The following ISM1 variants were observed in gnomAD, a reference collection of about 807,000 sequenced individuals.
ISM1 encodes the protein isthmin-1.
In ISM1, 25 loss-of-function variants were observed where a neutral mutation model predicts 46.3. The ratio of observed to expected loss-of-function variants is 0.54; its 90% CI spans 0.39 to 0.75. ISM1 has a LOEUF of 0.75. Ranked by LOEUF, ISM1 falls within the 30% of genes least tolerant of loss-of-function variation. ISM1 has a pLI of 0.00. For synonymous variants in ISM1, 255 were observed against 256.7 expected, an observed-to-expected ratio of 0.99 and a Z score of 0.06; for missense variants, 536 against 625.4, an observed-to-expected ratio of 0.86 and a Z score of 1.52.
intron 1 of ISM1, among the ~76,000 whole-genome samples, chr20:13,224,939 G>A (rs920679087): frequency 1.3e-4 from 19 of 148,114 alleles, no homozygotes; most frequent in African/African-American, 3.7e-4. Flanking sequence ...TCCACTTCCC[G>A]GGTTCATGCC....
At chr20:13,262,908 C>T (rs749077008) in intron 1 of ISM1, among the ~76,000 whole-genome samples, 1 of 152,256 alleles carries the variant, frequency 6.6e-6, no homozygotes, top group Non-Finnish European at 1.5e-5. Flanking sequence ...AAGTAAACAT[C>T]GTTATGATAC....
the ISM1 span, among the ~76,000 whole-genome samples, chr20:13,313,907 G>T: frequency 6.6e-6 from 1 of 152,096 alleles, no homozygotes; most frequent in South Asian, 2.1e-4. Context: ...AAATAAACTG[G>T]CAATGTAAGC....
Position 13,246,691 on chromosome 20 carries a change from T to A in ISM1, c.139-23813T>A, listed in dbSNP as rs1313778565. On this transcript the variant is annotated intron_variant, in intron 1 of 5. Coordinates refer to ENST00000262487, the MANE Select transcript of ISM1 (RefSeq NM_080826.2). ...GACAATGGCAAAGCCATGATTAAAT[T>A]CCCAAGTTCTAAGACCTTGTCCAAT... Among the ~76,000 whole-genome samples, 3 of 152,218 alleles carry A rather than the reference T, an allele frequency of 2.0e-5. No individual in the cohort carries two copies. In the East Asian group the frequency reaches 5.8e-4, roughly 29 times the overall value.
intron 1 of ISM1, among the ~76,000 whole-genome samples, chr20:13,254,285 T>C (rs1455198778): frequency 6.6e-6 from 1 of 151,738 alleles, no homozygotes; most frequent in Non-Finnish European, 1.5e-5. Flanking sequence ...TCTGCAAATA[T>C]ATATTTATAT....
intron 3 of ISM1, among the ~76,000 whole-genome samples, chr20:13,280,245 G>A (rs1411769253): frequency 6.8e-6 from 1 of 146,618 alleles, no homozygotes; most frequent in East Asian, 2.0e-4. Context: ...ATTTTTTACT[G>A]TAAAAATTCA....
At chr20:13,274,425 A>G (rs2040151850) in intron 2 of ISM1, among the ~76,000 whole-genome samples, 1 of 152,094 alleles carries the variant, frequency 6.6e-6, no homozygotes, top group African/African-American at 2.4e-5. Context: ...TTCCGCTGCC[A>G]GGGCTCCTGG....
At position 13,279,683 on chromosome 20, in the gene ISM1, A is replaced by T. The variant is rs759922448; in HGVS notation, c.428A>T (p.Gln143Leu). ...CCTGACTCTGAAGCAGATAAAGATC[A>T]GCATCCGGAGAATAAGCCCAGCTGG... The part of the protein sequence containing the change: ...DGPDSEADKD[Q>L]HPENKPSWSV... Residue 143 changes from glutamine (Q) to leucine (L), a missense_variant, in exon 3 of 6, where the codon CAG (glutamine) becomes CTG (leucine). This residue lies in a region of ISM1 where 367 missense variants were observed against 376.1 expected (regional missense o/e 0.98). Transcript: ENST00000262487. 4 of 1,614,038 alleles carry T rather than the reference A, an allele frequency of 2.5e-6. No homozygotes were observed. The East Asian group carries it at 8.9e-5, about 36-fold the overall frequency.
At chr20:13,319,020 G>A in the ISM1 span, among the ~76,000 whole-genome samples, 1 of 152,142 alleles carries the variant, frequency 6.6e-6, no homozygotes, top group Non-Finnish European at 1.5e-5. Flanking sequence ...AATGAACTCT[G>A]GGTGATAATG....
chr20:13,238,627 A>C (rs1252032936), intron 1 of ISM1, among the ~76,000 whole-genome samples: 1 of 152,244 alleles, frequency 6.6e-6, no homozygotes, highest in Non-Finnish European at 1.5e-5. Flanking sequence ...CAGAAAATGA[A>C]GAATGTTATT....
chr20:13,318,863 G>C, the ISM1 span, among the ~76,000 whole-genome samples: 1 of 152,206 alleles, frequency 6.6e-6, no homozygotes, highest in Non-Finnish European at 1.5e-5. Flanking sequence ...TGGTTGCCAG[G>C]GGTTGAGAAG....
intron 1 of ISM1, among the ~76,000 whole-genome samples, chr20:13,251,680 G>A (rs1004718538): frequency 6.6e-6 from 1 of 152,210 alleles, no homozygotes; most frequent in Middle Eastern, 3.2e-3. Flanking sequence ...AGCAAGAGTT[G>A]CAACAGACTC....
At chr20:13,280,886 T>C (rs984977430) in intron 3 of ISM1, among the ~76,000 whole-genome samples, 2 of 152,222 alleles carry the variant, frequency 1.3e-5, no homozygotes, top group African/African-American at 4.8e-5. Context: ...GGATATTTAA[T>C]GTCTTACAAA....
At chr20:13,225,632 A>G (rs2123122171) in intron 1 of ISM1, among the ~76,000 whole-genome samples, 1 of 152,282 alleles carries the variant, frequency 6.6e-6, no homozygotes, top group Non-Finnish European at 1.5e-5. Context: ...TACACTCTCC[A>G]TATTGGGTAA....
At chr20:13,241,849 C>T (rs1156532959) in intron 1 of ISM1, among the ~76,000 whole-genome samples, 7 of 152,072 alleles carry the variant, frequency 4.6e-5, no homozygotes, top group Non-Finnish European at 1.5e-5. Context: ...TGCTTGGCTA[C>T]TAACCTACAG....
chr20:13,244,923 A>C (rs1287592728), intron 1 of ISM1, among the ~76,000 whole-genome samples: 2 of 152,196 alleles, frequency 1.3e-5, no homozygotes, highest in Non-Finnish European at 2.9e-5. Context: ...ACATCAGGTC[A>C]TGTTTCTTTA....
intron 1 of ISM1, among the ~76,000 whole-genome samples, chr20:13,230,531 A>G (rs2123134631): frequency 6.6e-6 from 1 of 152,222 alleles, no homozygotes; most frequent in Non-Finnish European, 1.5e-5. Flanking sequence ...CCCTTGGCTT[A>G]GGGTTTACAA....
At chr20:13,241,882 C>A (rs916834343) in intron 1 of ISM1, among the ~76,000 whole-genome samples, 6 of 151,874 alleles carry the variant, frequency 4.0e-5, no homozygotes, top group Non-Finnish European at 5.9e-5. Context: ...TGAGTTCAAC[C>A]AAAATGGAGG....
chr20:13,305,335 C>T (rs938006025), downstream of ISM1, among the ~76,000 whole-genome samples: 7 of 152,076 alleles, frequency 4.6e-5, no homozygotes, highest in Non-Finnish European at 8.8e-5. Flanking sequence ...ACTACAGACC[C>T]GTACTACTCT....
At chr20:13,304,888 C>G (rs150762340), downstream of ISM1, among the ~76,000 whole-genome samples, 805 of 152,248 alleles carry the variant, frequency 5.3e-3, 12 homozygotes, top group African/African-American at 0.018. Context: ...CCCCACTTCC[C>G]TACTAGTACT....
Sources: allele counts gnomAD v4.1 joint callset (sites outside exome capture counted in the v4.1 genomes callset), GRCh38; gene constraint gnomAD v4.1.1; regional missense constraint gnomAD v4.1.1; transcripts MANE v1.5; gene names NCBI Gene and HGNC (gene_info 2026-07-23, HGNC 2026-07-21).